Variants in CTCF observed in about 807,000 individuals in gnomAD.
CTCF encodes CCCTC-binding factor.
A neutral mutation model predicts 72.3 loss-of-function variants in CTCF; 7 were observed. The observed-to-expected ratio is 0.10, with a 90% CI of 0.06 to 0.18. The LOEUF is 0.18. Among genes scored for constraint, CTCF ranks in the 10% least tolerant of loss-of-function variants. CTCF has a pLI of 1.00. For synonymous variants in CTCF, 374 were observed against 315.8 expected (o/e 1.18, Z -1.95); for missense variants, 516 against 949.1 (o/e 0.54, Z 6.00).
At chr16:67,629,755 T>A (rs1343453878) in intron 10 of CTCF, among the ~76,000 whole-genome samples, 2 of 41,252 alleles carry the variant, frequency 4.8e-5, no homozygotes, top group Non-Finnish European at 9.3e-5. Flanking sequence ...CCTTTTTTTT[T>A]TTTTTTTTTT....
At chr16:67,604,745 GTTTTTTGT>G (rs2051949006) in intron 2 of CTCF, among the ~76,000 whole-genome samples, 1 of 103,278 alleles carries the variant, frequency 9.7e-6, no homozygotes, top group African/African-American at 5.5e-5. Context: ...TTTTTTTTTT[GTTTTTTGT>G]TTTTTTTTTT....
chr16:67,592,496 A>G (rs1022881296), intron 2 of CTCF, among the ~76,000 whole-genome samples: 19 of 152,126 alleles, frequency 1.2e-4, no homozygotes, highest in Non-Finnish European at 2.1e-4. Context: ...ACCAGAGCTC[A>G]GAAGTTTGAG....
At chr16:67,618,676 C>T (rs2052163952) in intron 5 of CTCF, among the ~76,000 whole-genome samples, 1 of 152,210 alleles carries the variant, frequency 6.6e-6, no homozygotes, top group Middle Eastern at 3.4e-3. Flanking sequence ...AATAAGAGTT[C>T]AGTTCACTGG....
At chr16:67,593,932 T>G (rs1245273809) in intron 2 of CTCF, among the ~76,000 whole-genome samples, 7 of 152,302 alleles carry the variant, frequency 4.6e-5, no homozygotes, top group Admixed American at 1.3e-4. Flanking sequence ...TTGTTTTGGT[T>G]GTTTTCCTTT....
intron 3 of CTCF, 100 bp downstream of exon 3, chr16:67,611,713 A>G: frequency 8.2e-7 from 1 of 1,224,400 alleles, no homozygotes; most frequent in Non-Finnish European, 1.1e-6. Flanking sequence ...GTATTTGTAA[A>G]AGGTCGTTAT....
chr16:67,632,862 C>G (rs1418501023), intron 10 of CTCF, among the ~76,000 whole-genome samples: 1 of 152,176 alleles, frequency 6.6e-6, no homozygotes, highest in Non-Finnish European at 1.5e-5. Context: ...CCACAGATCT[C>G]TAAATTTAAA....
rs999179349 is a variant in CTCF at position 67,616,932 on chromosome 16, C to A, written c.1086+54C>A. On this transcript the variant is annotated intron_variant, in intron 5 of 11. Coordinates refer to ENST00000264010, the MANE Select transcript of CTCF (RefSeq NM_006565.4). ...CTCTTAGGCAGACCATGATTTATTT[C>A]AATACAAAGCTATAACTACTACCCA... 3.2e-6 allele frequency: 5 copies of A among 1,574,154 alleles called. No homozygotes were observed. In the African/African-American group the frequency reaches 5.4e-5, roughly 17 times the overall value.
intron 2 of CTCF, among the ~76,000 whole-genome samples, chr16:67,589,587 C>T (rs1740373683): frequency 6.6e-6 from 1 of 152,108 alleles, no homozygotes; most frequent in African/African-American, 2.4e-5. Flanking sequence ...CACTATATAG[C>T]TGCTATTTGT....
chr16:67,572,796 C>T (rs1205241660), intron 2 of CTCF, among the ~76,000 whole-genome samples: 10 of 151,602 alleles, frequency 6.6e-5, no homozygotes, highest in African/African-American at 2.2e-4. Flanking sequence ...AAAAACTAGC[C>T]GAGTGTGGTG....
intron 2 of CTCF, among the ~76,000 whole-genome samples, chr16:67,580,551 T>C (rs549643856): frequency 1.4e-4 from 21 of 151,328 alleles, no homozygotes; most frequent in African/African-American, 5.1e-4. Context: ...TATTTATTTA[T>C]GTATTTATTT....
At chr16:67,586,332 C>T (rs962789380) in intron 2 of CTCF, among the ~76,000 whole-genome samples, 2 of 152,082 alleles carry the variant, frequency 1.3e-5, no homozygotes, top group African/African-American at 2.4e-5. Context: ...GTCAAGAATT[C>T]GAGACCAGCC....
At chr16:67,562,884 C>A (rs1204467544) in intron 1 of CTCF, among the ~76,000 whole-genome samples, 160 bp downstream of exon 1, 1 of 148,132 alleles carries the variant, frequency 6.8e-6, no homozygotes, top group Non-Finnish European at 1.5e-5. Context: ...CCGCCATTGC[C>A]CGTCGCCGCC....
At chr16:67,562,926 C>T (rs2051295933) in intron 1 of CTCF, among the ~76,000 whole-genome samples, 2 of 105,898 alleles carry the variant, frequency 1.9e-5, no homozygotes, top group Non-Finnish European at 3.7e-5. Flanking sequence ...CCCCCACGCC[C>T]GCCCGCCCGC....
intron 10 of CTCF, among the ~76,000 whole-genome samples, chr16:67,632,234 C>G (rs1249121058): frequency 6.6e-6 from 1 of 152,160 alleles, no homozygotes; most frequent in African/African-American, 2.4e-5. Context: ...CAGACTCTGT[C>G]CTATGTCCTG....
At chr16:67,619,265 G>A (rs970007739) in intron 5 of CTCF, among the ~76,000 whole-genome samples, 3 of 152,038 alleles carry the variant, frequency 2.0e-5, no homozygotes, top group East Asian at 3.9e-4. Flanking sequence ...GTGAAACCCC[G>A]TCTCTACTAA....
At chr16:67,604,730 G>GTTTTTTTTTTTT (rs533827293) in intron 2 of CTCF, among the ~76,000 whole-genome samples, 14 of 123,734 alleles carry the variant, frequency 1.1e-4, no homozygotes, top group South Asian at 7.5e-4. Flanking sequence ...TTTCACCAGG[G>GTTTTTTTTTTTT]TTTTTTTTTT....
rs544876109 is a variant in CTCF, at chr16:67,567,705, T to A, written c.-126-3443T>A. 1.6e-3 allele frequency among the ~76,000 whole-genome samples: 246 copies of A among 151,526 alleles called. 1 individual carries two copies. Among genetic ancestry groups the A allele is most frequent in the African/African-American group, 5.7e-3 (235 of 41,298 alleles). On this transcript the variant is annotated intron_variant, in intron 1 of 11. Coordinates refer to ENST00000264010, the MANE Select transcript of CTCF (RefSeq NM_006565.4). ...TCCTGGGCTCAAGCAGTCTTCCTGC[T>A]GCAGCCTCCCAAGTAGCTGGTACTA... is the stretch of plus-strand genomic sequence containing the variant.
chr16:67,629,159 G>T (rs981995793), intron 9 of CTCF, among the ~76,000 whole-genome samples: 4 of 139,888 alleles, frequency 2.9e-5, no homozygotes, highest in Non-Finnish European at 1.6e-5. Flanking sequence ...GGCTCTGTTA[G>T]ATCTTGACAG....
chr16:67,629,515 G>A lies in CTCF; in HGVS notation c.1819G>A (p.Glu607Lys), dbSNP rs1301439715. 6.2e-7 allele frequency: 1 copy of A among 1,613,194 alleles called. No individual in the cohort carries two copies. Among genetic ancestry groups the A allele is most frequent in the Non-Finnish European group, 8.5e-7 (1 of 1,179,776 alleles). The change falls in exon 10 of 12, where the codon GAA (glutamate) becomes AAA (lysine). Residue 607 changes from glutamate (E) to lysine (K), a missense_variant. Physicochemically the swap from Glu to Lys is moderately conservative, Grantham distance 56. Transcript: ENST00000264010. Reference sequence around the variant, plus strand: ...AAAAAGAAAGATGCGCTCTAAGAAAGAAGATTCCTCTGACAGTGGTAAGTG... The same window carrying A: ...AAAAAGAAAGATGCGCTCTAAGAAAAAAGATTCCTCTGACAGTGGTAAGTG... ...GRKRKMRSKK[E>K]DSSDSENAEP...
Sources: gnomAD v4.1 joint callset for allele counts (sites outside exome capture counted in the v4.1 genomes callset) on GRCh38, gnomAD v4.1.1 for gene constraint, MANE v1.5 for transcripts, NCBI Gene and HGNC (gene_info 2026-07-23, HGNC 2026-07-21) for gene names.